Variants in FZD3 observed in about 807,000 individuals in gnomAD.
FZD3 encodes frizzled class receptor 3, also known as frizzled-3.
In FZD3, 30 loss-of-function variants were observed where a neutral mutation model predicts 60.7. The observed-to-expected ratio is 0.49, with a 90% CI of 0.37 to 0.67. The LOEUF (loss-of-function observed/expected upper bound fraction) is 0.67. Ranked by LOEUF, FZD3 falls within the 30% of genes least tolerant of loss-of-function variation. FZD3 has a pLI of 0.00. For synonymous variants in FZD3, 246 were observed against 275.2 expected (o/e 0.89, Z 1.05); for missense variants, 605 against 838.7 (o/e 0.72, Z 3.44).
At position 28,563,649 on chromosome 8, in the gene FZD3, C is replaced by T. The variant is rs913077322; in HGVS notation, c.*638C>T. 1 of 152,284 alleles carries T rather than the reference C, an allele frequency of 6.6e-6. No individual in the cohort carries two copies. The highest frequency in any genetic ancestry group is 1.5e-5 in the Non-Finnish European group (1 of 68,110). The allele number at this position is 152,284 out of a possible 1,614,324, so 9.4% of individuals were successfully genotyped here. ...CAGAGATATTCAGGGTTTGGATTAG[C>T]AGTGGAATAAAGAGATGGGCATTGT... On this transcript the variant is annotated 3_prime_UTR_variant, in exon 8 of 8. Transcript: ENST00000240093.
chr8:28,558,898 G>A (rs904979584), intron 7 of FZD3, among the ~76,000 whole-genome samples: 1 of 152,118 alleles, frequency 6.6e-6, no homozygotes, highest in East Asian at 1.9e-4. Context: ...GAAGTAAGAT[G>A]TAATTTATGC....
In FZD3 at chr8:28,565,745, A is replaced by G. The variant is rs946353906; in HGVS notation, c.*2734A>G. ...GTCCCACAAAATTTATGTAATATTA[A>G]TCCATGGTTTTAAACAACAGTATTC... On this transcript the variant is annotated 3_prime_UTR_variant, in exon 8 of 8. Coordinates refer to ENST00000240093, the MANE Select transcript of FZD3 (RefSeq NM_017412.4). 6.6e-6 allele frequency: 1 copy of G among 152,138 alleles called. No individual in the cohort carries two copies. The highest frequency in any genetic ancestry group is 1.5e-5 in the Non-Finnish European group (1 of 67,974). 9.4% of individuals were successfully genotyped at this position (152,138 alleles called of 1,614,324 possible). A position where few individuals can be genotyped will look rare whatever the true frequency, so the allele number is the denominator to read the frequency against.
At chr8:28,560,546 A>G (rs1805594994) in intron 7 of FZD3, among the ~76,000 whole-genome samples, 2 of 152,156 alleles carry the variant, frequency 1.3e-5, no homozygotes, top group Admixed American at 6.5e-5. Flanking sequence ...TATGAAAAAT[A>G]TATTATTTGA....
chr8:28,494,595 G>A (rs1382705417), intron 1 of FZD3, among the ~76,000 whole-genome samples: 6 of 151,958 alleles, frequency 3.9e-5, no homozygotes, highest in African/African-American at 1.2e-4. Context: ...TGGGGGCCTC[G>A]GGGACGCCTA....
At chr8:28,539,227 T>C (rs1008579973) in intron 5 of FZD3, among the ~76,000 whole-genome samples, 1 of 152,136 alleles carries the variant, frequency 6.6e-6, no homozygotes, top group African/African-American at 2.4e-5. Flanking sequence ...TCCTGACAGG[T>C]AAGCAGCAGC....
At chr8:28,530,894 ATTTAT>A (rs1191369039) in intron 5 of FZD3, among the ~76,000 whole-genome samples, 1 of 152,200 alleles carries the variant, frequency 6.6e-6, no homozygotes, top group Non-Finnish European at 1.5e-5. Flanking sequence ...TTTGAGTTGC[ATTTAT>A]TTTAATACTG....
At chr8:28,494,729 C>T (rs1437397464) in intron 1 of FZD3, among the ~76,000 whole-genome samples, 6 of 151,984 alleles carry the variant, frequency 3.9e-5, no homozygotes, top group Non-Finnish European at 8.8e-5. Flanking sequence ...GTTCGCTCGC[C>T]TCTACCCCGG....
At chr8:28,517,970 T>C (rs1395099190) in intron 3 of FZD3, among the ~76,000 whole-genome samples, 1 of 152,210 alleles carries the variant, frequency 6.6e-6, no homozygotes, top group African/African-American at 2.4e-5. Context: ...ATCCCAGATA[T>C]GTTATGTTGC....
intron 5 of FZD3, among the ~76,000 whole-genome samples, chr8:28,540,989 AAAACT>A (rs1563399528): frequency 6.6e-6 from 1 of 152,310 alleles, no homozygotes; most frequent in African/African-American, 2.4e-5. Flanking sequence ...TTTAAAAATA[AAAACT>A]AAACACTGTA....
chr8:28,524,983 C>G (rs559710720), intron 4 of FZD3, among the ~76,000 whole-genome samples: 1 of 152,336 alleles, frequency 6.6e-6, no homozygotes, highest in South Asian at 2.1e-4. Flanking sequence ...CTGTTGCCTT[C>G]AGCTAACTAA....
intron 7 of FZD3, among the ~76,000 whole-genome samples, chr8:28,558,516 C>T (rs999323064): frequency 1.3e-5 from 2 of 151,986 alleles, no homozygotes; most frequent in Admixed American, 1.3e-4. Flanking sequence ...CTGCAACCTC[C>T]GCCTCCCAGG....
chr8:28,527,411 A>G lies in FZD3; in HGVS notation c.651A>G (p.Thr217=), dbSNP rs1180430729. The change falls in exon 5 of 8, where the codon ACA becomes ACG. Residue 217 remains threonine (T), a synonymous_variant. Coordinates refer to ENST00000240093, the MANE Select transcript of FZD3 (RefSeq NM_017412.4). The surrounding 1 kb of genome is among the most constrained non-coding windows in gnomAD (Gnocchi z 5.0). Reference sequence around the variant, plus strand: ...TTTCAATCATTTGCCTCTCGGCCACATTGTTTACTTTTTTAACTTTTTTGA... The same window carrying G: ...TTTCAATCATTTGCCTCTCGGCCACGTTGTTTACTTTTTTAACTTTTTTGA... ...GLISIICLSA[T]LFTFLTFLID... The G allele has an allele frequency of 4.3e-6, 7 of 1,613,970 alleles. No homozygotes were observed. The highest frequency in any genetic ancestry group is 5.9e-6 in the Non-Finnish European group (7 of 1,179,884).
At chr8:28,496,980 C>G (rs1803861523) in intron 1 of FZD3, among the ~76,000 whole-genome samples, 1 of 152,058 alleles carries the variant, frequency 6.6e-6, no homozygotes, top group South Asian at 2.1e-4. Flanking sequence ...AAATTTCAGC[C>G]CATTTTAAAG....
chr8:28,562,607 C>T (rs1233178651), intron 7 of FZD3, among the ~76,000 whole-genome samples, 191 bp from the exon 8 acceptor site: 2 of 152,186 alleles, frequency 1.3e-5, no homozygotes, highest in African/African-American at 4.8e-5. Context: ...TGGATTATCT[C>T]TTCTCTTTTG....
rs1437860258 is a variant in FZD3, at chr8:28,565,964, T to C, written c.*2953T>C. The C allele has an allele frequency of 9.1e-6, 1 of 109,950 alleles. No homozygotes were observed. Among genetic ancestry groups the C allele is most frequent in the Non-Finnish European group, 1.9e-5 (1 of 51,914 alleles). 6.8% of individuals were successfully genotyped at this position (109,950 alleles called of 1,614,324 possible). On this transcript the variant is annotated 3_prime_UTR_variant, in exon 8 of 8. Transcript: ENST00000240093. ...ATCAAAAGGTTTTCAAAAAGTACTTTGATTTCAGCAACTTTTTTTATTCAA... is the reference window on the plus strand; with the variant it reads ...ATCAAAAGGTTTTCAAAAAGTACTTCGATTTCAGCAACTTTTTTTATTCAA...
chr8:28,496,999 C>CT (rs1803861949), intron 1 of FZD3, among the ~76,000 whole-genome samples: 1 of 152,004 alleles, frequency 6.6e-6, no homozygotes, highest in Admixed American at 6.5e-5. Context: ...AGTCCAGAAT[C>CT]TATCTGTCTC....
chr8:28,533,763 C>G (rs1360946345), intron 5 of FZD3, among the ~76,000 whole-genome samples: 1 of 152,074 alleles, frequency 6.6e-6, no homozygotes, highest in African/African-American at 2.4e-5. Flanking sequence ...TAAAAATTCC[C>G]TCCAACGTGT....
intron 7 of FZD3, among the ~76,000 whole-genome samples, 193 bp from the exon 8 acceptor site, chr8:28,562,605 C>T (rs926889555): frequency 2.6e-5 from 4 of 152,050 alleles, no homozygotes; most frequent in African/African-American, 9.7e-5. Context: ...ATTGGATTAT[C>T]TCTTCTCTTT....
At chr8:28,561,861 C>G (rs1805619341) in intron 7 of FZD3, among the ~76,000 whole-genome samples, 1 of 152,184 alleles carries the variant, frequency 6.6e-6, no homozygotes, top group African/African-American at 2.4e-5. Flanking sequence ...TGATAAGTAG[C>G]ATGCTAGCTC....
Sources: gnomAD v4.1 joint callset for allele counts (sites outside exome capture counted in the v4.1 genomes callset) on GRCh38, gnomAD v4.1.1 for gene constraint, Gnocchi (gnomAD v3.1) non-coding constraint, MANE v1.5 for transcripts, NCBI Gene and HGNC (gene_info 2026-07-23, HGNC 2026-07-21) for gene names.